Variants in SESN3 observed in about 807,000 individuals in gnomAD.
SESN3 encodes the protein sestrin 3.
Under a neutral mutation model 55.3 loss-of-function variants are expected in SESN3, and 21 were observed. The observed-to-expected ratio is 0.38, with a 90% CI of 0.27 to 0.55. SESN3 has a LOEUF of 0.55. Ranked by LOEUF, SESN3 falls within the 20% of genes least tolerant of loss-of-function variation. SESN3 has a pLI of 0.76. For missense variants in SESN3, 408 were observed against 604.3 expected, an observed-to-expected ratio of 0.68 and a Z score of 3.41; for synonymous variants, 181 against 203.1, an observed-to-expected ratio of 0.89 and a Z score of 0.93.
chr11:95,175,538 A>G lies in SESN3; in HGVS notation c.1352T>C (p.Met451Thr). Residue 451 changes from methionine to threonine, a missense_variant, in exon 9 of 10, where the codon ATG becomes ACG. Met to Thr is a moderately conservative substitution (Grantham distance 81). Coordinates refer to ENST00000536441, the MANE Select transcript of SESN3 (RefSeq NM_144665.4). The stretch of plus-strand genomic sequence containing the variant: ...GAACTGCCGCCAGTAACTATCATAC[A>G]TGCGTTTTGTAGTTCTCTCAGGATA... Reference protein sequence around the residue: ...TCYPERTTKRMYDSYWRQFKH... With the variant: ...TCYPERTTKRTYDSYWRQFKH... The G allele has an allele frequency of 6.2e-7, 1 of 1,613,952 alleles. No homozygotes were observed. Among genetic ancestry groups the G allele is most frequent in the African/African-American group, 1.3e-5 (1 of 75,058 alleles).
At chr11:95,214,188 C>T (rs1391761010) in intron 1 of SESN3, among the ~76,000 whole-genome samples, 1 of 152,184 alleles carries the variant, frequency 6.6e-6, no homozygotes. Flanking sequence ...GCATCACCTA[C>T]CATGGTTTAG....
chr11:95,229,771 C>G (rs994748301), intron 1 of SESN3, among the ~76,000 whole-genome samples: 6 of 152,116 alleles, frequency 3.9e-5, no homozygotes, highest in African/African-American at 1.4e-4. Flanking sequence ...CTTTCAGTCC[C>G]GATGCATTTG....
At chr11:95,189,685 G>A (rs1209750592) in intron 4 of SESN3, 94 bp downstream of exon 4, 2 of 801,830 alleles carry the variant, frequency 2.5e-6, no homozygotes, top group African/African-American at 1.8e-5. Context: ...CACATACTAA[G>A]ACACTATTAT....
chr11:95,228,451 C>T (rs1017641952), intron 1 of SESN3, among the ~76,000 whole-genome samples: 3 of 152,076 alleles, frequency 2.0e-5, no homozygotes, highest in African/African-American at 7.2e-5. Flanking sequence ...TTACTGAACA[C>T]TTTATTAAAT....
chr11:95,199,162 T>G (rs1860417729), intron 1 of SESN3, among the ~76,000 whole-genome samples: 1 of 152,066 alleles, frequency 6.6e-6, no homozygotes, highest in Non-Finnish European at 1.5e-5. Flanking sequence ...TAAATAGTAA[T>G]AACTTTATCG....
At chr11:95,174,031 T>C (rs1443291873) in intron 9 of SESN3, among the ~76,000 whole-genome samples, 6 of 152,206 alleles carry the variant, frequency 3.9e-5, no homozygotes, top group Admixed American at 3.9e-4. Context: ...AGAGAATTTC[T>C]AGATACAATC....
chr11:95,200,051 G>A (rs969652690), intron 1 of SESN3, among the ~76,000 whole-genome samples: 9 of 151,908 alleles, frequency 5.9e-5, no homozygotes. Flanking sequence ...TTTTAGGTAC[G>A]AATGTAAGAA....
At chr11:95,197,487 C>T (rs1860383737) in intron 1 of SESN3, among the ~76,000 whole-genome samples, 1 of 150,420 alleles carries the variant, frequency 6.6e-6, no homozygotes, top group Admixed American at 6.6e-5. Context: ...TCTTGTTGCC[C>T]AGGCTGCAGT....
At chr11:95,183,614 G>C (rs1460067872) in intron 6 of SESN3, among the ~76,000 whole-genome samples, 1 of 150,676 alleles carries the variant, frequency 6.6e-6, no homozygotes, top group African/African-American at 2.4e-5. Flanking sequence ...CCTAGGAGAC[G>C]GAGGTTGCAG....
rs2134277623 is a variant in SESN3 at position 95,230,450 on chromosome 11, G to T, written c.78+333C>A. 1 of 293,504 alleles carries T rather than the reference G, an allele frequency of 3.4e-6. No homozygotes were observed. The highest frequency in any genetic ancestry group is 3.6e-5 in the South Asian group (1 of 27,592). The allele number at this position is 293,504 out of a possible 1,614,324, so 18.2% of individuals were successfully genotyped here. ...AACTGCACAGGGAGGAGGATCGAAC[G>T]GATCCCTCCCGCCCTCCGCCCAAGG... On this transcript the variant is annotated intron_variant, in intron 1 of 9. Coordinates refer to ENST00000536441, the MANE Select transcript of SESN3 (RefSeq NM_144665.4). This position sits in a 1 kb window ranked among gnomAD's most constrained non-coding sequence, Gnocchi z 4.6.
At position 95,172,255 on chromosome 11, in the gene SESN3, T is replaced by C. The variant is rs191924818; in HGVS notation, c.*1000A>G. On this transcript the variant is annotated 3_prime_UTR_variant, in exon 10 of 10. Coordinates refer to ENST00000536441, the MANE Select transcript of SESN3 (RefSeq NM_144665.4). The stretch of plus-strand genomic sequence containing the variant: ...TAACCTATTATAAGAACAAAAGTCA[T>C]GGAAAATAATTTCTAAAAGCCTAAC... 1.8e-3 allele frequency: 267 copies of C among 152,246 alleles called. No individual in the cohort carries two copies. Among genetic ancestry groups the C allele is most frequent in the African/African-American group, 5.7e-3 (236 of 41,560 alleles). The allele number at this position is 152,246 out of a possible 1,614,324, so 9.4% of individuals were successfully genotyped here.
intron 1 of SESN3, among the ~76,000 whole-genome samples, chr11:95,193,807 T>C (rs1860310560): frequency 6.6e-6 from 1 of 152,114 alleles, no homozygotes; most frequent in Non-Finnish European, 1.5e-5. Flanking sequence ...ACATCTGACA[T>C]GCCTGAAAAC....
chr11:95,202,901 A>G (rs1371413568), intron 1 of SESN3, among the ~76,000 whole-genome samples: 1 of 152,150 alleles, frequency 6.6e-6, no homozygotes, highest in East Asian at 1.9e-4. Context: ...CTTGAATTTT[A>G]GAAAGCTTTA....
At chr11:95,184,256 C>T (rs1860119538) in intron 6 of SESN3, 164 bp downstream of exon 6, 2 of 631,456 alleles carry the variant, frequency 3.2e-6, no homozygotes. Flanking sequence ...CAAGGATGAA[C>T]CAGCCTGAGG....
In SESN3 at chr11:95,231,004, G is replaced by T. The variant is rs1861050675; in HGVS notation, c.-144C>A. On this transcript the variant is annotated 5_prime_UTR_variant, in exon 1 of 10. Transcript: ENST00000536441. ...AAGGCGGGATGTCGGGAGGAGAGGC[G>T]ACTGCCTGAAAGCTAGCGGCACTGC... 6.2e-6 allele frequency: 3 copies of T among 485,780 alleles called. No individual in the cohort carries two copies. Among genetic ancestry groups the T allele is most frequent in the South Asian group, 3.8e-5 (1 of 26,004 alleles). The allele number at this position is 485,780 out of a possible 1,614,324, so 30.1% of individuals were successfully genotyped here. A position where few individuals can be genotyped will look rare whatever the true frequency, so the allele number is the denominator to read the frequency against.
chr11:95,224,837 A>T (rs1208394568), intron 1 of SESN3, among the ~76,000 whole-genome samples: 1 of 152,172 alleles, frequency 6.6e-6, no homozygotes, highest in Non-Finnish European at 1.5e-5. Flanking sequence ...TGAGTAACCA[A>T]AGTTTGTCTG....
In SESN3 at chr11:95,167,284, T is replaced by C. The variant is rs1355566510; in HGVS notation, c.*5971A>G. 1 of 152,098 alleles carries C rather than the reference T, an allele frequency of 6.6e-6. No homozygotes were observed. The highest frequency in any genetic ancestry group is 2.4e-5 in the African/African-American group (1 of 41,412). 9.4% of individuals were successfully genotyped at this position (152,098 alleles called of 1,614,324 possible). On this transcript the variant is annotated 3_prime_UTR_variant, in exon 10 of 10. Coordinates refer to ENST00000536441, the MANE Select transcript of SESN3 (RefSeq NM_144665.4). ...GGTTAACTTGAGGGGTGCAAGAAAA[T>C]AGACTGTTCTAGCAAAATTTACATA...
chr11:95,216,047 G>A (rs951119972), intron 1 of SESN3, among the ~76,000 whole-genome samples: 6 of 143,708 alleles, frequency 4.2e-5, no homozygotes, highest in African/African-American at 1.0e-4. Flanking sequence ...GCAGTGAGCC[G>A]AGATCCCGCC....
chr11:95,211,811 T>C (rs1860660780), intron 1 of SESN3, among the ~76,000 whole-genome samples: 1 of 152,088 alleles, frequency 6.6e-6, no homozygotes, highest in South Asian at 2.1e-4. Context: ...TATGCAATAC[T>C]GAGTTCCTTA....
Sources: allele counts gnomAD v4.1 joint callset (sites outside exome capture counted in the v4.1 genomes callset), GRCh38; gene constraint gnomAD v4.1.1; non-coding constraint Gnocchi (gnomAD v3.1); transcripts MANE v1.5; gene names NCBI Gene and HGNC (gene_info 2026-07-23, HGNC 2026-07-21).